Variants in COMMD10 observed in about 807,000 individuals in gnomAD.
COMMD10 encodes the protein COMM domain containing 10.
Under a neutral mutation model 28.9 loss-of-function variants are expected in COMMD10, and 33 were observed. That is an observed-to-expected ratio of 1.14 (90% CI 0.87 to 1.53). The LOEUF (loss-of-function observed/expected upper bound fraction) is 1.53. Ranked by LOEUF, COMMD10 falls within the 40% of genes most tolerant of loss-of-function variation. COMMD10 has a pLI of 0.00. For missense variants in COMMD10, 310 were observed against 233.4 expected, an observed-to-expected ratio of 1.33 and a Z score of -2.14; for synonymous variants, 110 against 81.7, an observed-to-expected ratio of 1.35 and a Z score of -1.87.
intron 5 of COMMD10, among the ~76,000 whole-genome samples, chr5:116,183,586 C>G (rs1468760595): frequency 1.3e-5 from 2 of 152,004 alleles, no homozygotes; most frequent in Admixed American, 1.3e-4. Context: ...TTGTAACTTT[C>G]TTTGTGTTCT....
At chr5:116,112,883 ATTC>A (rs145968236) in intron 4 of COMMD10, among the ~76,000 whole-genome samples, 2,280 of 151,396 alleles carry the variant, frequency 0.015, 63 homozygotes, top group African/African-American at 0.051. Flanking sequence ...GTTTCATTTG[ATTC>A]TTCTTCTTTG....
At chr5:116,255,437 T>C (rs1247601329) in intron 5 of COMMD10, among the ~76,000 whole-genome samples, 2 of 151,698 alleles carry the variant, frequency 1.3e-5, no homozygotes, top group African/African-American at 2.4e-5. Context: ...CGGCTGGTAC[T>C]GGTTGTTCCT....
chr5:116,169,730 A>G (rs538473617), intron 5 of COMMD10, among the ~76,000 whole-genome samples: 7 of 152,348 alleles, frequency 4.6e-5, no homozygotes, highest in Admixed American at 2.6e-4. Context: ...AGAACCAATG[A>G]CAAAAACCAC....
At chr5:116,261,565 G>C (rs1750444254) in intron 5 of COMMD10, among the ~76,000 whole-genome samples, 1 of 151,750 alleles carries the variant, frequency 6.6e-6, no homozygotes, top group Non-Finnish European at 1.5e-5. Flanking sequence ...TTTTATTTCA[G>C]TGCACTTACT....
chr5:116,163,203 G>A (rs561909602), intron 5 of COMMD10, among the ~76,000 whole-genome samples: 1 of 124,898 alleles, frequency 8.0e-6, no homozygotes, highest in East Asian at 2.7e-4. Context: ...TTAGTGTCTA[G>A]TAGCTGGATC....
chr5:116,109,672 G>C lies in COMMD10; in HGVS notation c.399+16972G>C, dbSNP rs141054782. ...TAAATGGGATTGTTTTCTTGATTTT[G>C]TTCTCAACTAGATTGTTACTGGTGT... On this transcript the variant is annotated intron_variant, in intron 4 of 6. Coordinates refer to ENST00000274458, the MANE Select transcript of COMMD10 (RefSeq NM_016144.4). 9.9e-5 allele frequency among the ~76,000 whole-genome samples: 15 copies of C among 152,188 alleles called. No homozygotes were observed. In the East Asian group the frequency reaches 2.9e-3, roughly 29 times the overall value.
chr5:116,219,853 C>T (rs772847235), intron 5 of COMMD10, among the ~76,000 whole-genome samples: 2 of 151,954 alleles, frequency 1.3e-5, no homozygotes, highest in Non-Finnish European at 2.9e-5. Context: ...AAAATCATAT[C>T]GATTACTTTG....
intron 6 of COMMD10, among the ~76,000 whole-genome samples, chr5:116,292,224 T>C (rs188724145): frequency 6.6e-6 from 1 of 152,216 alleles, no homozygotes; most frequent in African/African-American, 2.4e-5. Context: ...TAAGAAATCT[T>C]CTTTCTTTGA....
At chr5:116,149,522 T>C (rs1469147696) in intron 5 of COMMD10, among the ~76,000 whole-genome samples, 1 of 144,514 alleles carries the variant, frequency 6.9e-6, no homozygotes, top group Non-Finnish European at 1.5e-5. Context: ...CACCTGTTGT[T>C]TCCTGACTTT....
intron 5 of COMMD10, among the ~76,000 whole-genome samples, chr5:116,221,285 A>G (rs996164240): frequency 3.3e-5 from 5 of 151,996 alleles, no homozygotes; most frequent in Non-Finnish European, 5.9e-5. Context: ...GCCCTCTACT[A>G]TCTCCTTAAA....
At chr5:116,250,305 G>A (rs760091653) in intron 5 of COMMD10, among the ~76,000 whole-genome samples, 5 of 151,628 alleles carry the variant, frequency 3.3e-5, no homozygotes, top group Admixed American at 6.6e-5. Context: ...TAATAATAAC[G>A]TGTTATCTTT....
intron 5 of COMMD10, among the ~76,000 whole-genome samples, chr5:116,218,736 A>C (rs1749168296): frequency 6.6e-6 from 1 of 152,222 alleles, no homozygotes; most frequent in South Asian, 2.1e-4. Context: ...ATACTATGAG[A>C]ACATTTTAGG....
intron 5 of COMMD10, among the ~76,000 whole-genome samples, chr5:116,151,397 T>C (rs556548104): frequency 3.9e-5 from 6 of 152,230 alleles, no homozygotes; most frequent in African/African-American, 1.4e-4. Flanking sequence ...GAGGATTCCC[T>C]CTTTTTCTAT....
At chr5:116,121,330 C>T (rs953721455) in intron 4 of COMMD10, among the ~76,000 whole-genome samples, 4 of 152,168 alleles carry the variant, frequency 2.6e-5, no homozygotes, top group Admixed American at 2.6e-4. Context: ...TTTATGGCTG[C>T]ATAGTATTCC....
At chr5:116,260,939 T>G (rs1359862499) in intron 5 of COMMD10, among the ~76,000 whole-genome samples, 1 of 151,800 alleles carries the variant, frequency 6.6e-6, no homozygotes, top group Non-Finnish European at 1.5e-5. Context: ...ACATGTTCTC[T>G]TTGTGAATGT....
At chr5:116,241,770 G>A (rs138826323) in intron 5 of COMMD10, among the ~76,000 whole-genome samples, 4,083 of 151,870 alleles carry the variant, frequency 0.027, 165 homozygotes, top group African/African-American at 0.089. Flanking sequence ...CCGCCACCAC[G>A]CCCAGCTAAT....
rs1458369872 is a variant in COMMD10 at position 116,127,755 on chromosome 5, A to G, written c.400-6313A>G. On this transcript the variant is annotated intron_variant, in intron 4 of 6. Transcript: ENST00000274458. ...AACACTTGGACACAGGGTGGAGAAC[A>G]TCACACACTGGGGCCTGTCTTGTGG... is the stretch of plus-strand genomic sequence containing the variant. Among the ~76,000 whole-genome samples the G allele has an allele frequency of 3.3e-5, 5 of 152,152 alleles. 1 individual carries two copies. Among genetic ancestry groups the G allele is most frequent in the Admixed American group, 3.3e-4 (5 of 15,256 alleles).
At chr5:116,108,853 C>T (rs1444622836) in intron 4 of COMMD10, among the ~76,000 whole-genome samples, 3 of 152,180 alleles carry the variant, frequency 2.0e-5, no homozygotes, top group South Asian at 2.1e-4. Flanking sequence ...TCCTGGTCTG[C>T]AGGTTGTGAA....
chr5:116,202,414 C>T (rs555054034), intron 5 of COMMD10, among the ~76,000 whole-genome samples: 6 of 152,108 alleles, frequency 3.9e-5, no homozygotes, highest in African/African-American at 1.4e-4. Context: ...AATGGAATGG[C>T]TGGGTCAAAT....
Sources: gnomAD v4.1 joint callset for allele counts (sites outside exome capture counted in the v4.1 genomes callset) on GRCh38, gnomAD v4.1.1 for gene constraint, MANE v1.5 for transcripts, NCBI Gene and HGNC (gene_info 2026-07-23, HGNC 2026-07-21) for gene names.